The following DLG5 variants were observed in gnomAD, a reference collection of about 807,000 sequenced individuals.
The protein encoded by DLG5 is disks large homolog 5.
In DLG5, 48 loss-of-function variants were observed where a neutral mutation model predicts 189.8. That is an observed-to-expected ratio of 0.25 (90% CI 0.20 to 0.32). The LOEUF is 0.32. Ranked by LOEUF, DLG5 falls within the 10% of genes least tolerant of loss-of-function variation. The pLI is 1.00. For synonymous variants in DLG5, 1,016 were observed against 1,054.1 expected (o/e 0.96, Z 0.70); for missense variants, 2,160 against 2,544.7 (o/e 0.85, Z 3.25).
rs545973565 is a variant in DLG5, at chr10:77,865,463, G to A, written c.373+3666C>T. Among the ~76,000 whole-genome samples the A allele has an allele frequency of 1.9e-4, 29 of 152,258 alleles. No homozygotes were observed. In the South Asian group the frequency reaches 5.6e-3, roughly 29 times the overall value. ...CTCCAGCAATTTCTCCTGCCGATAA[G>A]CCTGGAGACCTCTCCATTTAATAAG... On this transcript the variant is annotated intron_variant, in intron 2 of 31. Transcript: ENST00000372391.
At chr10:77,812,551 C>T (rs1024492701) in intron 20 of DLG5, among the ~76,000 whole-genome samples, 174 bp from the exon 21 acceptor site, 3 of 152,190 alleles carry the variant, frequency 2.0e-5, no homozygotes, top group Non-Finnish European at 4.4e-5. Flanking sequence ...GTGTGACAAA[C>T]GATCACATTC....
chr10:77,931,888 A>G, the DLG5 span, among the ~76,000 whole-genome samples: 2 of 152,212 alleles, frequency 1.3e-5, 1 homozygote, highest in Non-Finnish European at 2.9e-5. Flanking sequence ...CTAAAGTGGC[A>G]ATAAATATCA....
chr10:77,854,853 G>A (rs1844155394), intron 3 of DLG5, among the ~76,000 whole-genome samples: 1 of 152,068 alleles, frequency 6.6e-6, no homozygotes, highest in East Asian at 1.9e-4. Flanking sequence ...GCCTGGTGTG[G>A]TGGCATGTGC....
intron 6 of DLG5, 56 bp from the exon 7 acceptor site, chr10:77,842,249 C>T (rs1589197478): frequency 2.6e-6 from 4 of 1,559,666 alleles, no homozygotes; most frequent in East Asian, 4.5e-5. Flanking sequence ...CGGTCAGTGG[C>T]CGGCTGCGCT....
chr10:77,819,806 C>A, intron 16 of DLG5, 89 bp downstream of exon 16: 1 of 1,490,896 alleles, frequency 6.7e-7, no homozygotes, highest in South Asian at 1.3e-5. Flanking sequence ...CATGGCAGCT[C>A]TCTGAAATGC....
rs41274590 is a variant in DLG5, at chr10:77,821,943, G to T, written c.2541C>A (p.Phe847Leu). 3.3e-4 allele frequency: 527 copies of T among 1,614,276 alleles called. 1 individual carries two copies. The highest frequency in any genetic ancestry group is 4.9e-4 in the Middle Eastern group (3 of 6,062). The change falls in exon 15 of 32, where the codon TTC becomes TTA. Residue 847 changes from phenylalanine to leucine, a missense_variant. Phe to Leu is a conservative substitution (Grantham distance 22, BLOSUM62 0). Around this residue, in one of 5 missense-constraint regions of DLG5, gnomAD observed 754 missense variants for 746.5 expected, o/e 1.01. Coordinates refer to ENST00000372391, the MANE Select transcript of DLG5 (RefSeq NM_004747.4). Reference sequence around the variant, plus strand: ...TCCTGTCTTCCAGCCTGTCCGTGTAGAAGATGTCTGTCTGCGTGGAGTTAT... The same window carrying T: ...TCCTGTCTTCCAGCCTGTCCGTGTATAAGATGTCTGTCTGCGTGGAGTTAT... Reference protein sequence around the residue: ...QHNNSTQTDIFYTDRLEDRKE... With the variant: ...QHNNSTQTDILYTDRLEDRKE...
rs147525913 is a variant in DLG5 at position 77,904,240 on chromosome 10, C to T, written c.304+21977G>A. ...TGCTCCTCTCATTCTGTCTTGCTGCCACCATGTTAGAAGTGCCTTTTGCCC... is the reference window on the plus strand; with the variant it reads ...TGCTCCTCTCATTCTGTCTTGCTGCTACCATGTTAGAAGTGCCTTTTGCCC... On this transcript the variant is annotated intron_variant, in intron 1 of 31. Transcript: ENST00000372391. 5.3e-5 allele frequency among the ~76,000 whole-genome samples: 8 copies of T among 152,316 alleles called. No individual in the cohort carries two copies. In the East Asian group the frequency reaches 1.5e-3, roughly 29 times the overall value.
At chr10:77,871,380 C>CAGAA (rs1844890349) in intron 1 of DLG5, among the ~76,000 whole-genome samples, 1 of 151,994 alleles carries the variant, frequency 6.6e-6, no homozygotes, top group Non-Finnish European at 1.5e-5. Flanking sequence ...GAGATGAAAC[C>CAGAA]AGAAAACCCA....
At position 77,821,239 on chromosome 10, in the gene DLG5, T is replaced by C. The variant is rs150632644; in HGVS notation, c.3245A>G (p.Asp1082Gly). 1.2e-6 allele frequency: 2 copies of C among 1,613,952 alleles called. No homozygotes were observed. Among genetic ancestry groups the C allele is most frequent in the South Asian group, 1.1e-5 (1 of 91,078 alleles). Residue 1082 changes from aspartate to glycine, a missense_variant, in exon 15 of 32, where the codon GAT becomes GGT. Transcript: ENST00000372391. ...GGCCGGCAGGTGGGAGGAGTCCCCA[T>C]CTCCTTCAGGGTAGTAGCTGGAAGC... is the stretch of plus-strand genomic sequence containing the variant. ...RIASSYYPEG[D>G]GDSSHLPAKK... is the part of the protein sequence containing the mutation.
rs780166662 is a variant in DLG5, at chr10:77,821,986, C to T, written c.2498G>A (p.Arg833Gln). 4.3e-6 allele frequency: 7 copies of T among 1,614,236 alleles called. No individual in the cohort carries two copies. Among genetic ancestry groups the T allele is most frequent in the African/African-American group, 1.3e-5 (1 of 75,056 alleles). ...GGAGTTATTGTGCTGTATCAAGTTC[C>T]GTTTGTTATGAGCCTGGACCTCCGG... ...HGPEVQAHNK[R>Q]NLIQHNNSTQ... is the part of the protein sequence containing the mutation. The change falls in exon 15 of 32, where the codon CGG becomes CAG. Residue 833 changes from arginine to glutamine, a missense_variant. Around this residue, in one of 5 missense-constraint regions of DLG5, gnomAD observed 754 missense variants for 746.5 expected, o/e 1.01. Coordinates refer to ENST00000372391, the MANE Select transcript of DLG5 (RefSeq NM_004747.4).
At chr10:77,892,932 C>G (rs1347922587) in intron 1 of DLG5, among the ~76,000 whole-genome samples, 2 of 152,260 alleles carry the variant, frequency 1.3e-5, no homozygotes, top group African/African-American at 4.8e-5. Flanking sequence ...CTGCTGTCCT[C>G]TCAGACTAAA....
At chr10:77,833,255 G>T (rs1431192815) in intron 9 of DLG5, among the ~76,000 whole-genome samples, 1 of 152,142 alleles carries the variant, frequency 6.6e-6, no homozygotes, top group African/African-American at 2.4e-5. Context: ...TGTAATCGAG[G>T]GGAGGATGTC....
chr10:77,847,557 T>G (rs887047269), intron 5 of DLG5, among the ~76,000 whole-genome samples: 1 of 152,138 alleles, frequency 6.6e-6, no homozygotes, highest in Non-Finnish European at 1.5e-5. Context: ...CATGGTTAAC[T>G]CCGGAGAATC....
At chr10:77,810,946 C>T (rs1841735107) in intron 23 of DLG5, 148 bp downstream of exon 23, 1 of 931,864 alleles carries the variant, frequency 1.1e-6, no homozygotes, top group African/African-American at 1.7e-5. Context: ...AAAAGGAATG[C>T]CGTGCTCCCG....
At chr10:77,917,083 C>T (rs1297589453) in intron 1 of DLG5, among the ~76,000 whole-genome samples, 2 of 151,752 alleles carry the variant, frequency 1.3e-5, no homozygotes, top group Non-Finnish European at 2.9e-5. Context: ...TTCCTAGAAA[C>T]GGACAACTTG....
intron 31 of DLG5, chr10:77,793,581 G>C (rs553842985): frequency 1.6e-4 from 24 of 147,934 alleles, no homozygotes; most frequent in Non-Finnish European, 2.7e-4. Flanking sequence ...AGGGGGGTTT[G>C]CCAAATCCCG....
chr10:77,799,692 C>A (rs921868508), intron 27 of DLG5, among the ~76,000 whole-genome samples: 1 of 152,102 alleles, frequency 6.6e-6, no homozygotes, highest in Non-Finnish European at 1.5e-5. Context: ...CATCGCAGCA[C>A]TGTACTCCTG....
rs77492655 is a variant in DLG5, at chr10:77,830,752, C to G, written c.1870G>C (p.Glu624Gln). 0.014 allele frequency: 22,566 copies of G among 1,614,176 alleles called. 202 individuals are homozygous for G. Among genetic ancestry groups the G allele is most frequent in the Non-Finnish European group, 0.017 (20,621 of 1,180,012 alleles). The change falls in exon 10 of 32, where the codon GAG becomes CAG. Residue 624 changes from glutamate (E) to glutamine (Q), a missense_variant. Transcript: ENST00000372391. ...MEWETEVVEF[E>Q]RETEDIDLKA... Reference sequence around the variant, plus strand: ...CAGAGGCAGCTTACCGTCTCCCTCTCGAACTCTACAACTTCCGTTTCCCAC... The same window carrying G: ...CAGAGGCAGCTTACCGTCTCCCTCTGGAACTCTACAACTTCCGTTTCCCAC...
intron 1 of DLG5, among the ~76,000 whole-genome samples, chr10:77,916,830 T>C (rs1183958185): frequency 6.7e-6 from 1 of 150,130 alleles, no homozygotes; most frequent in Non-Finnish European, 1.5e-5. Flanking sequence ...CATAGCAGCA[T>C]TATTCACAAT....
Sources: allele counts gnomAD v4.1 joint callset (sites outside exome capture counted in the v4.1 genomes callset), GRCh38; gene constraint gnomAD v4.1.1; regional missense constraint gnomAD v4.1.1; transcripts MANE v1.5; gene names NCBI Gene and HGNC (gene_info 2026-07-23, HGNC 2026-07-21).